KIF22: variants seen among roughly 807,000 people sequenced by gnomAD.
The protein encoded by KIF22 is kinesin family member 22.
KIF22 carries 62 observed loss-of-function variants against 73.0 expected under a neutral mutation model. That is an observed-to-expected ratio of 0.85 (90% CI 0.69 to 1.05). KIF22 has a LOEUF of 1.05. Ranked by LOEUF, KIF22 falls within the 50% of genes least tolerant of loss-of-function variation. The pLI is 0.00. For synonymous variants in KIF22, 411 were observed against 340.1 expected, an observed-to-expected ratio of 1.21 and a Z score of -2.29; for missense variants, 854 against 870.1, an observed-to-expected ratio of 0.98 and a Z score of 0.23.
At position 29,805,328 on chromosome 16, in the gene KIF22, C is replaced by T. The variant is rs1200173895; in HGVS notation, c.*18C>T. ...CCTCCTGACCGTCGTCTCCTCACTC[C>T]GCCTTTTCAAATTTTTGTATAACCC... is the stretch of plus-strand genomic sequence containing the variant. On this transcript the variant is annotated 3_prime_UTR_variant, in exon 14 of 14. Coordinates refer to ENST00000160827, the MANE Select transcript of KIF22 (RefSeq NM_007317.3). The T allele has an allele frequency of 2.5e-6, 4 of 1,611,032 alleles. No homozygotes were observed. Among genetic ancestry groups the T allele is most frequent in the Admixed American group, 3.3e-5 (2 of 60,012 alleles).
chr16:29,804,108 G>GT (rs1899246906), intron 11 of KIF22, 43 bp downstream of exon 11: 1 of 1,487,048 alleles, frequency 6.7e-7, no homozygotes, highest in Non-Finnish European at 9.4e-7. Flanking sequence ...GAGCCCAGAA[G>GT]TAAGGGGGAG....
chr16:29,798,980 A>G lies in KIF22; in HGVS notation c.555A>G (p.Leu185=). 1 of 1,614,136 alleles carries G rather than the reference A, an allele frequency of 6.2e-7. No homozygotes were observed. Among genetic ancestry groups the G allele is most frequent in the South Asian group, 1.1e-5 (1 of 91,088 alleles). The change falls in exon 5 of 14, where the codon TTA becomes TTG. Residue 185 remains leucine (L), a synonymous_variant. Transcript: ENST00000160827. This position sits in a 1 kb window ranked among gnomAD's most constrained non-coding sequence, Gnocchi z 4.1. ...SYLEIYQEKV[L]DLLDPASGDL... is the part of the protein sequence containing the mutation. ...CCCCTTCACTGCTTACACAGGTATT[A>G]GACCTCCTGGACCCTGCTTCGGGAG...
chr16:29,804,721 C>T, intron 11 of KIF22, 93 bp from the exon 12 acceptor site: 1 of 975,440 alleles, frequency 1.0e-6, no homozygotes, highest in Non-Finnish European at 1.6e-6. Context: ...GGCTGGAGCG[C>T]AGGAGGTAGC....
chr16:29,797,201 C>A lies in KIF22; in HGVS notation c.266+113C>A. The A allele has an allele frequency of 1.3e-6, 1 of 754,636 alleles. No homozygotes were observed. The highest frequency in any genetic ancestry group is 2.8e-5 in the East Asian group (1 of 36,018). 46.7% of individuals were successfully genotyped at this position (754,636 alleles called of 1,614,324 possible). ...CTCCCTCCTTAGCACCGCTTTGTTC[C>A]CTGAGCCTTCACTGTTCACTTAGGA... is the stretch of plus-strand genomic sequence containing the variant. On this transcript the variant is annotated intron_variant, in intron 2 of 13. Coordinates refer to ENST00000160827, the MANE Select transcript of KIF22 (RefSeq NM_007317.3). The surrounding 1 kb of genome is among the most constrained non-coding windows in gnomAD (Gnocchi z 4.1).
intron 1 of KIF22, chr16:29,792,374 C>G: frequency 2.0e-6 from 2 of 980,104 alleles, no homozygotes; most frequent in Non-Finnish European, 2.4e-6. Flanking sequence ...GACTGTGAGC[C>G]CTGGGGCAGG....
In KIF22 at chr16:29,802,868, G is replaced by A. The variant is rs1231379986; in HGVS notation, c.1380G>A (p.Leu460=). The A allele has an allele frequency of 6.2e-7, 1 of 1,612,240 alleles. No homozygotes were observed. The highest frequency in any genetic ancestry group is 1.3e-5 in the African/African-American group (1 of 74,940). ...CCCAGGGGAGCCAGGGGGCCCCTCT[G>A]TTGAGTACCCCAAAGCGAGAGCGGA... The part of the protein sequence containing the change: ...LASQGSQGAP[L]LSTPKRERMV... Residue 460 remains leucine (L), a synonymous_variant, in exon 9 of 14, where the codon CTG becomes CTA. Coordinates refer to ENST00000160827, the MANE Select transcript of KIF22 (RefSeq NM_007317.3).
rs1480422728 is a variant in KIF22 at position 29,798,224 on chromosome 16, G to A, written c.267-150G>A. The stretch of plus-strand genomic sequence containing the variant: ...TAGGTGGATGCTTTTTAAGGTCTTT[G>A]TACAAGAAAGGGGATAGAGACGTTC... On this transcript the variant is annotated intron_variant, in intron 2 of 13. Coordinates refer to ENST00000160827, the MANE Select transcript of KIF22 (RefSeq NM_007317.3). This position sits in a 1 kb window ranked among gnomAD's most constrained non-coding sequence, Gnocchi z 4.1. 7.0e-7 allele frequency: 1 copy of A among 1,418,638 alleles called. No homozygotes were observed. The highest frequency in any genetic ancestry group is 9.3e-7 in the Non-Finnish European group (1 of 1,076,514). The allele number at this position is 1,418,638 out of a possible 1,614,324, so 87.9% of individuals were successfully genotyped here.
In KIF22 at chr16:29,802,691, TGTG is replaced by T. The variant is rs768444693; in HGVS notation, c.1281-74_1281-72del. The T allele has an allele frequency of 4.5e-6, 6 of 1,321,750 alleles. No individual in the cohort carries two copies. The East Asian group carries it at 1.1e-4, about 23-fold the overall frequency. 81.9% of individuals were successfully genotyped at this position (1,321,750 alleles called of 1,614,324 possible). ...AGCTACAGGATATACCAAGTTAAGG[TGTG>T]GTGAGGGGAGTCCTGCTGCTGTAGG... On this transcript the variant is annotated intron_variant, in intron 8 of 13. Coordinates refer to ENST00000160827, the MANE Select transcript of KIF22 (RefSeq NM_007317.3).
intron 10 of KIF22, 107 bp from the exon 11 acceptor site, chr16:29,803,891 C>G: frequency 1.1e-6 from 1 of 881,074 alleles, no homozygotes; most frequent in South Asian, 1.4e-5. Flanking sequence ...CAGGTTAACT[C>G]TGGATGGAGG....
chr16:29,799,685 C>T lies in KIF22; in HGVS notation c.1048C>T (p.Arg350Cys), dbSNP rs149860938. Residue 350 changes from arginine (R) to cysteine (C), a missense_variant, in exon 7 of 14, where the codon CGC becomes TGC. Arg to Cys is a radical substitution (Grantham distance 180). This residue lies in a region of KIF22 where 245 missense variants were observed against 351.8 expected (regional missense o/e 0.70). Transcript: ENST00000160827. ...ILIANIAPER[R>C]FYLDTVSALN... is the part of the protein sequence containing the mutation. ...TATTGCCAACATTGCCCCTGAGAGACGCTTCTACCTAGACACAGTCTCCGC... is the reference window on the plus strand; with the variant it reads ...TATTGCCAACATTGCCCCTGAGAGATGCTTCTACCTAGACACAGTCTCCGC... 662 of 1,613,988 alleles carry T rather than the reference C, an allele frequency of 4.1e-4. No individual in the cohort carries two copies. The highest frequency in any genetic ancestry group is 3.7e-4 in the Non-Finnish European group (442 of 1,179,986).
chr16:29,803,134 G>A (rs965149964), intron 9 of KIF22, among the ~76,000 whole-genome samples, 197 bp downstream of exon 9: 4 of 152,072 alleles, frequency 2.6e-5, no homozygotes, highest in Non-Finnish European at 5.9e-5. Context: ...GTGAGGGTGA[G>A]AAGAAAAAGT....
intron 1 of KIF22, 71 bp downstream of exon 1, chr16:29,790,900 T>C: frequency 3.9e-6 from 6 of 1,543,516 alleles, no homozygotes. Flanking sequence ...TGTCGGAGTG[T>C]GGTCCAGGCT....
rs1034894604 is a variant in KIF22 at position 29,797,918 on chromosome 16, G to A, written c.267-456G>A. ...CAGCATCCTCTATTTTCCCCATTATGGTGTAAAATACAATGTTCTACACAT... is the reference window on the plus strand; with the variant it reads ...CAGCATCCTCTATTTTCCCCATTATAGTGTAAAATACAATGTTCTACACAT... On this transcript the variant is annotated intron_variant, in intron 2 of 13. Transcript: ENST00000160827. This position sits in a 1 kb window ranked among gnomAD's most constrained non-coding sequence, Gnocchi z 4.1. 6.6e-6 allele frequency among the ~76,000 whole-genome samples: 1 copy of A among 152,086 alleles called. No homozygotes were observed. Among genetic ancestry groups the A allele is most frequent in the African/African-American group, 2.4e-5 (1 of 41,394 alleles).
chr16:29,792,682 AGAG>A (rs947321493), intron 1 of KIF22, among the ~76,000 whole-genome samples: 4 of 152,186 alleles, frequency 2.6e-5, no homozygotes, highest in African/African-American at 9.7e-5. Context: ...TTGTTTTTTA[AGAG>A]GAGTTAAAAT....
chr16:29,791,077 G>T (rs1898801161), intron 1 of KIF22: 5 of 1,382,104 alleles, frequency 3.6e-6, no homozygotes, highest in Middle Eastern at 5.4e-4. Context: ...CTCTTGGCTT[G>T]AACCCCGCGC....
rs764488170 is a variant in KIF22 at position 29,803,555 on chromosome 16, C to G, written c.1556C>G (p.Thr519Arg). Residue 519 changes from threonine (T) to arginine (R), a missense_variant, in exon 10 of 14, where the codon ACA becomes AGA. By Grantham distance (71) the Thr-to-Arg change is moderately conservative (BLOSUM62 -1). Coordinates refer to ENST00000160827, the MANE Select transcript of KIF22 (RefSeq NM_007317.3). ...ATGCTCCGGCCCCTTTCACATCGCA[C>G]AGTCACAGGGGCAAAGCCCCTGAAA... Reference protein sequence around the residue: ...PTMLRPLSHRTVTGAKPLKKA... With the variant: ...PTMLRPLSHRRVTGAKPLKKA... 4 of 1,613,630 alleles carry G rather than the reference C, an allele frequency of 2.5e-6. No individual in the cohort carries two copies. In the South Asian group the frequency reaches 4.4e-5, roughly 18 times the overall value.
At chr16:29,805,050 A>C in intron 12 of KIF22, 24 bp downstream of exon 12, 1 of 730,226 alleles carries the variant, frequency 1.4e-6, no homozygotes, top group Non-Finnish European at 2.3e-6. Context: ...GGACTGGGGG[A>C]GGGCGGGGGC....
rs150131602 is a variant in KIF22 at position 29,802,859 on chromosome 16, G to C, written c.1371G>C (p.Gly457=). The part of the protein sequence containing the change: ...DRLLASQGSQ[G]APLLSTPKRE... ...TGCTTGCCTCCCAGGGGAGCCAGGG[G>C]GCCCCTCTGTTGAGTACCCCAAAGC... The change falls in exon 9 of 14, where the codon GGG becomes GGC. Residue 457 remains glycine (G), a synonymous_variant. Transcript: ENST00000160827. 1 of 1,611,372 alleles carries C rather than the reference G, an allele frequency of 6.2e-7. No homozygotes were observed.
At position 29,804,894 on chromosome 16, in the gene KIF22, T is replaced by C; in HGVS notation, c.1758T>C (p.Ala586=). 5 of 1,613,916 alleles carry C rather than the reference T, an allele frequency of 3.1e-6. No homozygotes were observed. Among genetic ancestry groups the C allele is most frequent in the Non-Finnish European group, 4.2e-6 (5 of 1,179,982 alleles). ...TACAGATCAGCCCGGAGCTACTGGCTCATGGGCGCCAAAAAATACTGGATC... is the reference window on the plus strand; with the variant it reads ...TACAGATCAGCCCGGAGCTACTGGCCCATGGGCGCCAAAAAATACTGGATC... The part of the protein sequence containing the change: ...WELQISPELL[A]HGRQKILDLL... The change falls in exon 12 of 14, where the codon GCT becomes GCC. Residue 586 remains alanine, a synonymous_variant. Coordinates refer to ENST00000160827, the MANE Select transcript of KIF22 (RefSeq NM_007317.3).
Sources: gnomAD v4.1 joint callset for allele counts (sites outside exome capture counted in the v4.1 genomes callset) on GRCh38, gnomAD v4.1.1 for gene constraint, gnomAD v4.1.1 regional missense constraint, Gnocchi (gnomAD v3.1) non-coding constraint, MANE v1.5 for transcripts, NCBI Gene and HGNC (gene_info 2026-07-23, HGNC 2026-07-21) for gene names.